Variants in LINGO2 observed in about 807,000 individuals in gnomAD.
LINGO2 encodes leucine rich repeat and Ig domain containing 2.
Under a neutral mutation model 30.6 loss-of-function variants are expected in LINGO2, and 14 were observed. The observed-to-expected ratio is 0.46, with a 90% CI of 0.30 to 0.72. The LOEUF (loss-of-function observed/expected upper bound fraction) is 0.72, where lower values mean the gene tolerates loss of function less well. LINGO2 is among the 30% of genes least tolerant of loss of function. The probability of loss-of-function intolerance (pLI) is 0.07; values close to 1 mark genes in which losing one functional copy is unlikely to be tolerated. For synonymous variants in LINGO2, 317 were observed against 288.5 expected (o/e 1.10, Z -1.00); for missense variants, 729 against 751.7 (o/e 0.97, Z 0.35).
chr9:28,978,089 T>C, the LINGO2 span, among the ~76,000 whole-genome samples: 1 of 152,166 alleles, frequency 6.6e-6, no homozygotes, highest in African/African-American at 2.4e-5. Flanking sequence ...TTATTTAGAC[T>C]ATGGCAATGA....
the LINGO2 span, among the ~76,000 whole-genome samples, chr9:29,056,109 C>A: frequency 6.6e-6 from 1 of 151,882 alleles, no homozygotes; most frequent in Non-Finnish European, 1.5e-5. Context: ...ATAATGACTT[C>A]TTTTCCTCTG....
chr9:28,034,163 G>C (rs972715869), intron 4 of LINGO2, among the ~76,000 whole-genome samples: 1 of 152,176 alleles, frequency 6.6e-6, no homozygotes, highest in South Asian at 2.1e-4. Flanking sequence ...GCCAGGGCTT[G>C]CTGGGGCGTT....
intron 1 of LINGO2, among the ~76,000 whole-genome samples, chr9:28,623,984 T>C (rs1409087587): frequency 1.3e-5 from 2 of 152,100 alleles, no homozygotes; most frequent in African/African-American, 4.8e-5. Flanking sequence ...ACATTGTTCA[T>C]TGTTGGCAAA....
At chr9:28,086,414 A>G (rs2133241041) in intron 4 of LINGO2, among the ~76,000 whole-genome samples, 1 of 152,216 alleles carries the variant, frequency 6.6e-6, no homozygotes, top group Middle Eastern at 3.4e-3. Context: ...AGTAGCCAAT[A>G]TAACTAACTT....
At position 28,137,331 on chromosome 9, in the gene LINGO2, A is replaced by C. The variant is rs191594774; in HGVS notation, c.-86-124926T>G. On this transcript the variant is annotated intron_variant, in intron 4 of 5. Coordinates refer to ENST00000379992, the Ensembl canonical transcript of LINGO2. ...AGTTGTAATATCTAATTAAATATTT[A>C]TTAATTTAACTTCTTGTTAAGACTT... Among the ~76,000 whole-genome samples, 133 of 152,224 alleles carry C rather than the reference A, an allele frequency of 8.7e-4. 2 individuals are homozygous for C. In the South Asian group the frequency reaches 0.018, roughly 20 times the overall value.
intron 1 of LINGO2, 143 bp downstream of exon 3, chr9:28,670,057 T>G (rs2136041236): frequency 6.6e-6 from 1 of 152,148 alleles, no homozygotes; most frequent in South Asian, 2.1e-4. Context: ...TTAGAGGAAC[T>G]AATTAAATAT....
chr9:29,008,023 C>T, the LINGO2 span, among the ~76,000 whole-genome samples: 38 of 152,180 alleles, frequency 2.5e-4, no homozygotes, highest in African/African-American at 8.7e-4. Context: ...GTGTGCTGCA[C>T]CCATTAACTT....
the LINGO2 span, among the ~76,000 whole-genome samples, chr9:29,076,997 T>C: frequency 6.6e-6 from 1 of 152,118 alleles, no homozygotes; most frequent in East Asian, 1.9e-4. Context: ...CCTCCTACTA[T>C]GGTTACTGAT....
the LINGO2 span, among the ~76,000 whole-genome samples, chr9:28,856,221 G>A: frequency 6.6e-6 from 1 of 151,936 alleles, no homozygotes; most frequent in Non-Finnish European, 1.5e-5. Context: ...CAGAGATTTT[G>A]TGCTTTGCTT....
At chr9:28,610,298 T>C (rs1448249184) in intron 1 of LINGO2, among the ~76,000 whole-genome samples, 2 of 151,836 alleles carry the variant, frequency 1.3e-5, no homozygotes, top group African/African-American at 4.8e-5. Flanking sequence ...AGATTAGTAA[T>C]ATCAATGCAA....
chr9:28,766,153 A>G, the LINGO2 span, among the ~76,000 whole-genome samples: 1 of 152,076 alleles, frequency 6.6e-6, no homozygotes, highest in African/African-American at 2.4e-5. Flanking sequence ...GAAAATCACA[A>G]GGCTGCCTAC....
At chr9:28,371,506 C>G (rs903387529) in intron 3 of LINGO2, among the ~76,000 whole-genome samples, 1 of 152,080 alleles carries the variant, frequency 6.6e-6, no homozygotes, top group African/African-American at 2.4e-5. Context: ...GGCACTAATC[C>G]CTTTCGTGAT....
chr9:28,630,343 T>C (rs560772778), intron 1 of LINGO2, among the ~76,000 whole-genome samples: 11 of 152,106 alleles, frequency 7.2e-5, no homozygotes, highest in East Asian at 1.9e-4. Flanking sequence ...AATTGGCTCA[T>C]CTTTTTTTCT....
At chr9:28,167,828 G>C (rs1564013943) in intron 4 of LINGO2, among the ~76,000 whole-genome samples, 1 of 152,200 alleles carries the variant, frequency 6.6e-6, no homozygotes, top group Non-Finnish European at 1.5e-5. Flanking sequence ...AGATAAAAGA[G>C]CCCACCAGGT....
the LINGO2 span, among the ~76,000 whole-genome samples, chr9:29,038,044 A>AT: frequency 6.6e-6 from 1 of 151,830 alleles, no homozygotes; most frequent in Non-Finnish European, 1.5e-5. Context: ...TGATATTTTG[A>AT]TTTTTTTCCA....
downstream of LINGO2, among the ~76,000 whole-genome samples, chr9:27,947,071 G>T (rs1823393998): frequency 3.3e-5 from 5 of 152,124 alleles, no homozygotes; most frequent in Admixed American, 2.6e-4. Context: ...CAGCTTACAT[G>T]TTATTAAAAA....
At chr9:28,298,518 A>G (rs1020697496) in intron 3 of LINGO2, among the ~76,000 whole-genome samples, 2 of 150,332 alleles carry the variant, frequency 1.3e-5, no homozygotes, top group Non-Finnish European at 1.5e-5. Flanking sequence ...AAAAAAAGAA[A>G]GAAAAAAATA....
chr9:28,730,499 T>C, the LINGO2 span, among the ~76,000 whole-genome samples: 2 of 152,274 alleles, frequency 1.3e-5, no homozygotes, highest in Admixed American at 1.3e-4. Context: ...AAAGTCCATC[T>C]AAAAGGATGA....
the LINGO2 span, among the ~76,000 whole-genome samples, chr9:29,159,383 C>T: frequency 6.6e-6 from 1 of 152,140 alleles, no homozygotes; most frequent in South Asian, 2.1e-4. Context: ...TTCAGGCTTG[C>T]TTCATTAGAG....
Sources: allele counts gnomAD v4.1 joint callset (sites outside exome capture counted in the v4.1 genomes callset), GRCh38; gene constraint gnomAD v4.1.1; transcripts MANE v1.5; gene names NCBI Gene and HGNC (gene_info 2026-07-23, HGNC 2026-07-21).